The following CCDC18 variants were observed in gnomAD, a reference collection of about 807,000 sequenced individuals.
The protein encoded by CCDC18 is coiled-coil domain containing 18, also known as coiled-coil domain-containing protein 18.
A neutral mutation model predicts 196.0 loss-of-function variants in CCDC18; 157 were observed. The observed-to-expected ratio is 0.80, with a 90% confidence interval of 0.70 to 0.91. CCDC18 has a LOEUF of 0.91. Among genes scored for constraint, CCDC18 ranks in the 40% least tolerant of loss-of-function variants. The pLI is 0.00. For synonymous variants in CCDC18, 482 were observed against 529.2 expected (o/e 0.91, Z 1.22); for missense variants, 1,465 against 1,611.6 (o/e 0.91, Z 1.56).
chr1:93,243,685 C>G lies in CCDC18; in HGVS notation c.2982-2420C>G, dbSNP rs1031871927. Among the ~76,000 whole-genome samples, 5 of 152,302 alleles carry G rather than the reference C, an allele frequency of 3.3e-5. No homozygotes were observed. The East Asian group carries it at 9.7e-4, about 29-fold the overall frequency. On this transcript the variant is annotated intron_variant, in intron 21 of 28. Transcript: ENST00000690025. ...TCTTCCACCAGATACGCTAAATCAT[C>G]TCTCCGAAGTTCAAAATTCCACAAA...
intron 9 of CCDC18, among the ~76,000 whole-genome samples, chr1:93,207,653 A>G (rs1263143929): frequency 6.6e-6 from 1 of 152,156 alleles, no homozygotes; most frequent in African/African-American, 2.4e-5. Context: ...TATCATTTAT[A>G]TACCATAAAA....
Position 93,258,824 on chromosome 1 carries a change from A to G in CCDC18, c.3623A>G (p.Gln1208Arg). The change falls in exon 26 of 29, where the codon CAA becomes CGA. Residue 1208 changes from glutamine to arginine, a missense_variant. Physicochemically the swap from Gln to Arg is conservative, Grantham distance 43. Coordinates refer to ENST00000690025, the MANE Select transcript of CCDC18 (RefSeq NM_001378204.1). Reference protein sequence around the residue: ...VREAHLEARMQAEIKKLSAEV... With the variant: ...VREAHLEARMRAEIKKLSAEV... The stretch of plus-strand genomic sequence containing the variant: ...GAAGCTCATTTAGAAGCAAGAATGC[A>G]AGCAGAAATCAAGAAATTGTCAGCA... 1.2e-6 allele frequency: 2 copies of G among 1,602,112 alleles called. No homozygotes were observed. The highest frequency in any genetic ancestry group is 2.3e-5 in the East Asian group (1 of 44,136).
upstream of CCDC18, chr1:93,180,650 T>C (rs2297707): frequency 0.63 from 827,777 of 1,319,956 alleles, 267,257 homozygotes; most frequent in South Asian, 0.67. Flanking sequence ...CCCCGCGCCT[T>C]CGGCGGCGCC....
At chr1:93,266,405 C>T (rs983831107) in intron 27 of CCDC18, among the ~76,000 whole-genome samples, 13 of 152,114 alleles carry the variant, frequency 8.5e-5, no homozygotes, top group African/African-American at 3.1e-4. Flanking sequence ...AGAGCAAACA[C>T]ATTCAAAAGC....
chr1:93,199,098 T>C (rs1653328991), intron 6 of CCDC18, among the ~76,000 whole-genome samples: 1 of 152,218 alleles, frequency 6.6e-6, no homozygotes, highest in Non-Finnish European at 1.5e-5. Flanking sequence ...CCTTGGGGTG[T>C]TGCTTCACGA....
intron 22 of CCDC18, 93 bp from the exon 23 acceptor site, chr1:93,246,745 T>C: frequency 1.5e-6 from 1 of 655,350 alleles, no homozygotes; most frequent in Non-Finnish European, 2.7e-6. Context: ...TTATACTTGT[T>C]ATACTTGCTA....
intron 9 of CCDC18, among the ~76,000 whole-genome samples, chr1:93,208,458 A>C (rs769823802): frequency 1.3e-5 from 2 of 151,414 alleles, no homozygotes; most frequent in Non-Finnish European, 1.5e-5. Flanking sequence ...CAGCCTCCCT[A>C]GTAGCTGGGA....
intron 11 of CCDC18, among the ~76,000 whole-genome samples, chr1:93,212,768 A>T (rs1570377835): frequency 6.6e-6 from 1 of 152,238 alleles, no homozygotes; most frequent in East Asian, 1.9e-4. Context: ...TGTGGAAGAC[A>T]TTTTTTCCAT....
At chr1:93,254,387 A>T in intron 23 of CCDC18, 84 bp from the exon 24 acceptor site, 1 of 1,058,190 alleles carries the variant, frequency 9.5e-7, no homozygotes, top group Non-Finnish European at 1.4e-6. Flanking sequence ...ATGAGTGTTT[A>T]AAGCTTGACT....
intron 23 of CCDC18, among the ~76,000 whole-genome samples, chr1:93,250,969 T>C (rs1472359866): frequency 6.6e-6 from 1 of 152,232 alleles, no homozygotes; most frequent in Non-Finnish European, 1.5e-5. Context: ...TTATTATTAA[T>C]AGGTAAGGAT....
chr1:93,184,227 AAAATT>A lies in CCDC18; in HGVS notation c.303+90_303+94del, dbSNP rs887537422. The A allele has an allele frequency of 9.6e-5, 64 of 667,270 alleles. No individual in the cohort carries two copies. In the East Asian group the frequency reaches 1.8e-3, roughly 19 times the overall value. 41.3% of individuals were successfully genotyped at this position (667,270 alleles called of 1,614,324 possible). On this transcript the variant is annotated intron_variant, in intron 3 of 28. Coordinates refer to ENST00000690025, the MANE Select transcript of CCDC18 (RefSeq NM_001378204.1). Reference sequence around the variant, plus strand: ...CTTAAAAAAAATTTTTTTTAATTTTAAAATTAAATTAAAGAAAAAAATTTTTTCTT... The same window carrying A: ...CTTAAAAAAAATTTTTTTTAATTTTAAAATTAAAGAAAAAAATTTTTTCTT...
intron 21 of CCDC18, among the ~76,000 whole-genome samples, chr1:93,242,440 C>T (rs1404825512): frequency 1.3e-5 from 2 of 152,196 alleles, no homozygotes; most frequent in East Asian, 3.9e-4. Flanking sequence ...GATTCAGTTA[C>T]CTCCCACTGG....
chr1:93,269,479 A>G (rs1664999990), intron 27 of CCDC18, among the ~76,000 whole-genome samples: 3 of 151,742 alleles, frequency 2.0e-5, no homozygotes, highest in African/African-American at 4.8e-5. Context: ...AAAAAAAAGG[A>G]AAATACCAAA....
At chr1:93,200,166 G>A (rs553000909) in intron 6 of CCDC18, among the ~76,000 whole-genome samples, 19 of 151,840 alleles carry the variant, frequency 1.3e-4, no homozygotes, top group South Asian at 1.0e-3. Context: ...TTGTAGAGAC[G>A]ATCTCACTAC....
intron 28 of CCDC18, among the ~76,000 whole-genome samples, chr1:93,278,135 C>G (rs1292166752): frequency 6.6e-6 from 1 of 151,932 alleles, no homozygotes; most frequent in African/African-American, 2.4e-5. Context: ...TACAGACGCT[C>G]GCCACCACAC....
At chr1:93,184,333 T>C (rs1650263699) in intron 3 of CCDC18, among the ~76,000 whole-genome samples, 187 bp downstream of exon 3, 1 of 151,958 alleles carries the variant, frequency 6.6e-6, no homozygotes, top group Admixed American at 6.5e-5. Context: ...TCTTTTTATG[T>C]TCTAACAAGA....
intron 4 of CCDC18, chr1:93,190,733 A>T (rs1651611676): frequency 2.0e-6 from 1 of 501,648 alleles, no homozygotes; most frequent in Non-Finnish European, 3.6e-6. Context: ...AAAACAAAAG[A>T]TAACACTTAG....
chr1:93,199,566 G>T (rs1047439155), intron 6 of CCDC18, among the ~76,000 whole-genome samples: 8 of 152,340 alleles, frequency 5.3e-5, no homozygotes, highest in African/African-American at 1.9e-4. Context: ...TTTTCTTCTT[G>T]TTGCCTGCAA....
chr1:93,180,837 AGC>A lies in CCDC18; in HGVS notation c.-13_-12del, dbSNP rs368371388. On this transcript the variant is annotated 5_prime_UTR_variant, in exon 1 of 29. Transcript: ENST00000690025. ...CTTCCTAACGCAGACTCGAGTGCGA[AGC>A]GCGCAGTCGCCGGGTGGGTCTCTCC... 1.9e-5 allele frequency: 26 copies of A among 1,367,688 alleles called. No individual in the cohort carries two copies. The highest frequency in any genetic ancestry group is 1.5e-4 in the African/African-American group (10 of 67,878). The allele number at this position is 1,367,688 out of a possible 1,614,324, so 84.7% of individuals were successfully genotyped here.
Sources: allele counts gnomAD v4.1 joint callset (sites outside exome capture counted in the v4.1 genomes callset), GRCh38; gene constraint gnomAD v4.1.1; transcripts MANE v1.5; gene names NCBI Gene and HGNC (gene_info 2026-07-23, HGNC 2026-07-21).